SLC31A2: variants seen among roughly 807,000 people sequenced by gnomAD.
The protein encoded by SLC31A2 is solute carrier family 31 member 2, also known as protein SLC31A2.
SLC31A2 carries 16 observed loss-of-function variants against 14.4 expected under a neutral mutation model. The observed-to-expected ratio is 1.11, with a 90% CI of 0.75 to 1.69. The LOEUF (loss-of-function observed/expected upper bound fraction) is 1.69. Among genes scored for constraint, SLC31A2 ranks in the 40% most tolerant of loss-of-function variants. The pLI, the probability that SLC31A2 is intolerant of heterozygous loss-of-function variation, is 0.00. For synonymous variants in SLC31A2, 56 were observed against 68.7 expected (o/e 0.82, Z 0.91); for missense variants, 140 against 173.9 (o/e 0.81, Z 1.10).
At chr9:113,162,053 A>G (rs1232961615) in intron 3 of SLC31A2, 1 of 374,330 alleles carries the variant, frequency 2.7e-6, no homozygotes, top group Non-Finnish European at 5.1e-6. Flanking sequence ...GGGGATCTGC[A>G]GCTGTCCTGA....
At position 113,163,041 on chromosome 9, in the gene SLC31A2, CTT is replaced by C. The variant is rs1300346690; in HGVS notation, c.*126_*127del. 2.3e-5 allele frequency: 23 copies of C among 984,824 alleles called. No individual in the cohort carries two copies. The highest frequency in any genetic ancestry group is 3.3e-5 in the African/African-American group (2 of 59,758). The allele number at this position is 984,824 out of a possible 1,614,324, so 61.0% of individuals were successfully genotyped here. ...CCACCTTATTCCCAGCCCCTGGAAA[CTT>C]TGAGCTGAAGCCAGCACTTGCTCCC... On this transcript the variant is annotated 3_prime_UTR_variant, in exon 4 of 4. Transcript: ENST00000259392.
chr9:113,160,602 C>G (rs1829998862), intron 2 of SLC31A2, among the ~76,000 whole-genome samples: 1 of 152,154 alleles, frequency 6.6e-6, no homozygotes, highest in Admixed American at 6.5e-5. Context: ...AAACTGCATT[C>G]TTTTGGGTTT....
chr9:113,159,314 G>A (rs970551901), intron 2 of SLC31A2, among the ~76,000 whole-genome samples: 1 of 152,052 alleles, frequency 6.6e-6, no homozygotes, highest in Non-Finnish European at 1.5e-5. Context: ...TGTATTTTTA[G>A]TAGAGACAGG....
At chr9:113,155,280 T>C (rs1829919618) in intron 1 of SLC31A2, among the ~76,000 whole-genome samples, 1 of 152,210 alleles carries the variant, frequency 6.6e-6, no homozygotes, top group African/African-American at 2.4e-5. Context: ...CCTGAGAAGC[T>C]GCATTGAGAG....
At position 113,162,846 on chromosome 9, in the gene SLC31A2, A is replaced by ATTT; in HGVS notation, c.363_365dup (p.Phe122dup). The ATTT allele has an allele frequency of 6.2e-7, 1 of 1,613,410 alleles. No individual in the cohort carries two copies. The highest frequency in any genetic ancestry group is 2.2e-5 in the East Asian group (1 of 44,838). On this transcript the variant is annotated inframe_insertion, in exon 4 of 4. Coordinates refer to ENST00000259392, the MANE Select transcript of SLC31A2 (RefSeq NM_001860.3). ...GGCCGTAATGTCCTACAACACCTGG[A>ATTT]TTTTCCTTGGTGTGGTCTTGGGCTC...
At chr9:113,158,041 C>T (rs1267766109) in intron 2 of SLC31A2, 1 of 582,170 alleles carries the variant, frequency 1.7e-6, no homozygotes, top group Admixed American at 2.2e-5. Context: ...CCCTCTGTTA[C>T]AGGGCAAGAA....
intron 2 of SLC31A2, among the ~76,000 whole-genome samples, chr9:113,160,824 A>G (rs996678530): frequency 5.9e-5 from 9 of 152,340 alleles, no homozygotes; most frequent in African/African-American, 1.2e-4. Context: ...ACCACTTGAC[A>G]GCGTTTCCAA....
In SLC31A2 at chr9:113,162,916, AGCTG is replaced by A. The variant is rs1830039056; in HGVS notation, c.*1_*4del. 6.2e-7 allele frequency: 1 copy of A among 1,605,726 alleles called. No individual in the cohort carries two copies. Among genetic ancestry groups the A allele is most frequent in the African/African-American group, 1.3e-5 (1 of 74,550 alleles). Reference sequence around the variant, plus strand: ...GCTTACCCACTTCTCAGCACAGCTTAGCTGGTGAGGAACGTGCAGGCACTGAGGC... The same window carrying A: ...GCTTACCCACTTCTCAGCACAGCTTAGTGAGGAACGTGCAGGCACTGAGGC... On this transcript the variant is annotated stop_retained_variant and 3_prime_UTR_variant, in exon 4 of 4. Transcript: ENST00000259392.
In SLC31A2 at chr9:113,161,515, C is replaced by T. The variant is rs1158327402; in HGVS notation, c.80C>T (p.Ala27Val). The part of the protein sequence containing the change: ...FWSVHSPAGM[A>V]LSVLVLLLLA... ...ACTCTGCCTCCTTTGACAGGCATGG[C>T]CCTTTCGGTGTTGGTGCTCCTGCTT... The change falls in exon 3 of 4, where the codon GCC becomes GTC. Residue 27 changes from alanine (A) to valine (V), a missense_variant. Ala to Val is a moderately conservative substitution (Grantham distance 64). Transcript: ENST00000259392. 6.2e-7 allele frequency: 1 copy of T among 1,613,814 alleles called. No homozygotes were observed. Among genetic ancestry groups the T allele is most frequent in the African/African-American group, 1.3e-5 (1 of 74,930 alleles).
chr9:113,157,768 T>C lies in SLC31A2; in HGVS notation c.48T>C (p.Asp16=). 1 of 1,613,282 alleles carries C rather than the reference T, an allele frequency of 6.2e-7. No individual in the cohort carries two copies. The highest frequency in any genetic ancestry group is 8.5e-7 in the Non-Finnish European group (1 of 1,179,576). Reference sequence around the variant, plus strand: ...CAGATACAGCGGTGCTTCTGTTTGATTTCTGGAGTGTCCACAGTCCTGCTG... The same window carrying C: ...CAGATACAGCGGTGCTTCTGTTTGACTTCTGGAGTGTCCACAGTCCTGCTG... ...IFSDTAVLLF[D]FWSVHSPAGM... is the part of the protein sequence containing the mutation. Residue 16 remains aspartate (D), a synonymous_variant, in exon 2 of 4, where the codon GAT becomes GAC. Transcript: ENST00000259392.
intron 2 of SLC31A2, chr9:113,158,236 G>A (rs901744319): frequency 5.9e-6 from 2 of 336,738 alleles, no homozygotes; most frequent in Non-Finnish European, 1.2e-5. Flanking sequence ...TGAAAGGAAA[G>A]AATATTCCTT....
intron 1 of SLC31A2, among the ~76,000 whole-genome samples, chr9:113,153,807 C>A (rs1464950713): frequency 1.3e-5 from 2 of 152,180 alleles, no homozygotes; most frequent in Admixed American, 1.3e-4. Flanking sequence ...GTTGGTGACA[C>A]AAGTCAGACC....
In SLC31A2 at chr9:113,151,553, C is replaced by G. The variant is rs74895700; in HGVS notation, c.6+473C>G. 7,241 of 159,750 alleles carry G rather than the reference C, an allele frequency of 0.045. 242 individuals are homozygous for G. Among genetic ancestry groups the G allele is most frequent in the African/African-American group, 0.096 (4,006 of 41,708 alleles). 9.9% of individuals were successfully genotyped at this position (159,750 alleles called of 1,614,324 possible). ...GCCCTGCTCTTGTCAAGTTTGTAGCCTGATTCTTCGGGGAATAAAACAGAA... is the reference window on the plus strand; with the variant it reads ...GCCCTGCTCTTGTCAAGTTTGTAGCGTGATTCTTCGGGGAATAAAACAGAA... On this transcript the variant is annotated intron_variant, in intron 1 of 3. Transcript: ENST00000259392. The surrounding 1 kb of genome is among the most constrained non-coding windows in gnomAD (Gnocchi z 4.2).
At chr9:113,153,627 G>T (rs944275001) in intron 1 of SLC31A2, among the ~76,000 whole-genome samples, 1 of 152,202 alleles carries the variant, frequency 6.6e-6, no homozygotes, top group Non-Finnish European at 1.5e-5. Flanking sequence ...ATGTCACAGG[G>T]AGTGACACAT....
At chr9:113,161,860 T>A in intron 3 of SLC31A2, 162 bp downstream of exon 3, 1 of 768,078 alleles carries the variant, frequency 1.3e-6, no homozygotes, top group Non-Finnish European at 2.2e-6. Flanking sequence ...GAACTAGAGC[T>A]CATGTCTCCT....
chr9:113,152,216 A>G (rs1270499385), intron 1 of SLC31A2: 1 of 152,282 alleles, frequency 6.6e-6, no homozygotes, highest in Admixed American at 6.5e-5. Context: ...CCACCCTGAA[A>G]AAAGCACAAA....
At position 113,156,010 on chromosome 9, in the gene SLC31A2, G is replaced by A. The variant is rs767905384; in HGVS notation, c.7-1717G>A. On this transcript the variant is annotated intron_variant, in intron 1 of 3. Transcript: ENST00000259392. ...GAGACGACTAGAACATGCAAGGCCT[G>A]TGGTTTAGGGCTGTCGTCTGCAAGC... The A allele has an allele frequency of 7.7e-6, 4 of 518,686 alleles. No homozygotes were observed. In the Admixed American group the frequency reaches 7.8e-5, roughly 10 times the overall value. The allele number at this position is 518,686 out of a possible 1,614,324, so 32.1% of individuals were successfully genotyped here. A position where few individuals can be genotyped will look rare whatever the true frequency, so the allele number is the denominator to read the frequency against.
Position 113,161,569 on chromosome 9 carries a change from T to G in SLC31A2, c.134T>G (p.Val45Gly), listed in dbSNP as rs1032336873. The G allele has an allele frequency of 6.2e-7, 1 of 1,613,772 alleles. No individual in the cohort carries two copies. Among genetic ancestry groups the G allele is most frequent in the African/African-American group, 1.3e-5 (1 of 74,888 alleles). ...LLAVLYEGIK[V>G]GKAKLLNQVL... ...GCTGTACTGTATGAAGGCATCAAGGTTGGCAAAGCCAAGCTGCTCAACCAG... is the reference window on the plus strand; with the variant it reads ...GCTGTACTGTATGAAGGCATCAAGGGTGGCAAAGCCAAGCTGCTCAACCAG... Residue 45 changes from valine to glycine, a missense_variant, in exon 3 of 4, where the codon GTT becomes GGT. Transcript: ENST00000259392.
chr9:113,161,257 T>G, intron 2 of SLC31A2: 1 of 486,194 alleles, frequency 2.1e-6, no homozygotes, highest in Non-Finnish European at 3.6e-6. Flanking sequence ...GGGGAGTGGG[T>G]GGGGTAATGG....
Sources: gnomAD v4.1 joint callset for allele counts (sites outside exome capture counted in the v4.1 genomes callset) on GRCh38, gnomAD v4.1.1 for gene constraint, Gnocchi (gnomAD v3.1) non-coding constraint, MANE v1.5 for transcripts, NCBI Gene and HGNC (gene_info 2026-07-23, HGNC 2026-07-21) for gene names.